The following KIF15 variants were observed in gnomAD, a reference collection of about 807,000 sequenced individuals.
KIF15 encodes the protein kinesin family member 15.
KIF15 carries 140 observed loss-of-function variants against 190.6 expected under a neutral mutation model. That is an observed-to-expected ratio of 0.73 (90% CI 0.64 to 0.84). The LOEUF is 0.84. Ranked by LOEUF, KIF15 falls within the 40% of genes least tolerant of loss-of-function variation. The probability of loss-of-function intolerance (pLI) is 0.00; values close to 1 mark genes in which losing one functional copy is unlikely to be tolerated. For synonymous variants in KIF15, 528 were observed against 551.3 expected, an observed-to-expected ratio of 0.96 and a Z score of 0.59; for missense variants, 1,372 against 1,584.4, an observed-to-expected ratio of 0.87 and a Z score of 2.28.
intron 13 of KIF15, among the ~76,000 whole-genome samples, chr3:44,802,510 T>C (rs1236782568): frequency 6.6e-6 from 1 of 152,238 alleles, no homozygotes; most frequent in Non-Finnish European, 1.5e-5. Context: ...CTTGTTCTTT[T>C]CAGTGTGTTG....
At chr3:44,813,389 A>G (rs1707883377) in intron 19 of KIF15, 1 of 384,526 alleles carries the variant, frequency 2.6e-6, no homozygotes, top group Non-Finnish European at 4.6e-6. Flanking sequence ...CCCACAAACA[A>G]ATGATACAAA....
intron 14 of KIF15, 67 bp downstream of exon 14, chr3:44,803,058 C>G: frequency 7.1e-7 from 1 of 1,412,956 alleles, no homozygotes; most frequent in Non-Finnish European, 9.5e-7. Flanking sequence ...ATTTTTAGTG[C>G]CTTGTGACTA....
chr3:44,836,357 AAAAT>A (rs1369156455), intron 26 of KIF15, among the ~76,000 whole-genome samples: 21 of 152,274 alleles, frequency 1.4e-4, no homozygotes, highest in African/African-American at 3.9e-4. Context: ...TCTGTCTAAA[AAAAT>A]AAATAAATAA....
chr3:44,795,353 G>A (rs2125626201), intron 8 of KIF15, among the ~76,000 whole-genome samples: 1 of 152,264 alleles, frequency 6.6e-6, no homozygotes, highest in African/African-American at 2.4e-5. Flanking sequence ...TTTCAGCATG[G>A]CTCAATGGAT....
chr3:44,773,859 T>C (rs541597848), intron 1 of KIF15, among the ~76,000 whole-genome samples: 3 of 152,096 alleles, frequency 2.0e-5, no homozygotes, highest in Non-Finnish European at 4.4e-5. Flanking sequence ...CATGGATACA[T>C]TGAAAGGTGA....
In KIF15 at chr3:44,851,780, C is replaced by T; in HGVS notation, c.3807-7C>T. The T allele has an allele frequency of 6.2e-7, 1 of 1,602,908 alleles. No individual in the cohort carries two copies. Among genetic ancestry groups the T allele is most frequent in the South Asian group, 1.1e-5 (1 of 89,554 alleles). On this transcript the variant is annotated splice_region_variant and splice_polypyrimidine_tract_variant and intron_variant, in intron 32 of 34. Coordinates refer to ENST00000326047, the MANE Select transcript of KIF15 (RefSeq NM_020242.3). ...AAATACTATAAAGTGATAACCTATT[C>T]CTACAGCCTAGAAGAAGTCCAAAGT...
intron 30 of KIF15, among the ~76,000 whole-genome samples, chr3:44,845,823 C>G (rs1327832902): frequency 3.3e-5 from 5 of 152,198 alleles, no homozygotes; most frequent in Non-Finnish European, 7.3e-5. Flanking sequence ...GCTGCCAGCA[C>G]CAGGACAGTT....
At chr3:44,819,733 T>C (rs965976151) in intron 20 of KIF15, among the ~76,000 whole-genome samples, 1 of 152,138 alleles carries the variant, frequency 6.6e-6, no homozygotes. Flanking sequence ...TGATTTGGGG[T>C]GGAGAGTTCT....
chr3:44,803,921 G>T (rs747246635), intron 14 of KIF15, among the ~76,000 whole-genome samples: 8 of 151,962 alleles, frequency 5.3e-5, no homozygotes, highest in Non-Finnish European at 1.2e-4. Flanking sequence ...GTGCGATCTC[G>T]GCTCACTGCA....
At chr3:44,784,810 A>G in intron 5 of KIF15, 35 bp from the exon 6 acceptor site, 1 of 1,128,526 alleles carries the variant, frequency 8.9e-7, no homozygotes, top group Non-Finnish European at 1.3e-6. Flanking sequence ...TTGGAATAGA[A>G]TAAAAATCCA....
chr3:44,808,593 CT>C (rs1244748184), intron 16 of KIF15, among the ~76,000 whole-genome samples: 2,789 of 132,212 alleles, frequency 0.021, 63 homozygotes, highest in African/African-American at 0.065. Context: ...TATTGTTTTG[CT>C]TTTTTTTTTT....
At position 44,780,938 on chromosome 3, in the gene KIF15, C is replaced by T. The variant is rs1706132832; in HGVS notation, c.361+16C>T. 1.3e-6 allele frequency: 2 copies of T among 1,574,272 alleles called. No homozygotes were observed. The highest frequency in any genetic ancestry group is 2.7e-5 in the African/African-American group (2 of 73,870). ...ACTATGATGGGTAAGTAAAGATTAACTTTTGTTGGCTTAATCTACTCTTTC... is the reference window on the plus strand; with the variant it reads ...ACTATGATGGGTAAGTAAAGATTAATTTTTGTTGGCTTAATCTACTCTTTC... On this transcript the variant is annotated intron_variant, in intron 5 of 34. Transcript: ENST00000326047.
At chr3:44,816,531 G>C (rs374770135) in intron 20 of KIF15, among the ~76,000 whole-genome samples, 1 of 152,026 alleles carries the variant, frequency 6.6e-6, no homozygotes, top group Non-Finnish European at 1.5e-5. Context: ...GAGAATGATG[G>C]TTTCCAGCTT....
At chr3:44,794,569 G>T in intron 8 of KIF15, 143 bp downstream of exon 8, 1 of 579,130 alleles carries the variant, frequency 1.7e-6, no homozygotes, top group East Asian at 3.0e-5. Context: ...TATACCACAT[G>T]GCTTAGGTAT....
chr3:44,848,378 T>C (rs1158964037), intron 31 of KIF15, 143 bp from the exon 32 acceptor site: 15 of 570,666 alleles, frequency 2.6e-5, no homozygotes, highest in Non-Finnish European at 4.4e-5. Flanking sequence ...TTTATGTATG[T>C]GTAGCTGGCA....
chr3:44,843,378 A>T (rs1202236018), intron 30 of KIF15, 144 bp downstream of exon 30: 1 of 612,618 alleles, frequency 1.6e-6, no homozygotes, highest in Non-Finnish European at 2.9e-6. Context: ...GTTGATTTTG[A>T]ATCAAGTCTG....
chr3:44,765,306 T>A (rs1381215100), intron 1 of KIF15, among the ~76,000 whole-genome samples: 1 of 152,250 alleles, frequency 6.6e-6, no homozygotes, highest in Non-Finnish European at 1.5e-5. Context: ...GTTACAGAGA[T>A]CTCTGCAGAA....
chr3:44,784,194 C>T (rs532792208), intron 5 of KIF15, among the ~76,000 whole-genome samples: 4 of 152,126 alleles, frequency 2.6e-5, no homozygotes, highest in Non-Finnish European at 5.9e-5. Context: ...TGTTTTGAGA[C>T]GGAGTCTCAC....
intron 24 of KIF15, 74 bp downstream of exon 24, chr3:44,828,374 C>G (rs1225727804): frequency 1.7e-5 from 17 of 1,022,532 alleles, no homozygotes; most frequent in Non-Finnish European, 2.6e-5. Context: ...GTTCTCCTAC[C>G]TCTTCTTGCA....
Sources: gnomAD v4.1 joint callset for allele counts (sites outside exome capture counted in the v4.1 genomes callset) on GRCh38, gnomAD v4.1.1 for gene constraint, MANE v1.5 for transcripts, NCBI Gene and HGNC (gene_info 2026-07-23, HGNC 2026-07-21) for gene names.